UNC13C: variants seen among roughly 807,000 people sequenced by gnomAD.
The protein encoded by UNC13C is unc-13 homolog C.
A neutral mutation model predicts 245.4 loss-of-function variants in UNC13C; 174 were observed. The observed-to-expected ratio is 0.71, with a 90% CI of 0.63 to 0.80. UNC13C has a LOEUF of 0.80. Ranked by LOEUF, UNC13C falls within the 30% of genes least tolerant of loss-of-function variation. UNC13C has a pLI of 0.00. For synonymous variants in UNC13C, 992 were observed against 895.1 expected, an observed-to-expected ratio of 1.11 and a Z score of -1.93; for missense variants, 2,829 against 2,602.9, an observed-to-expected ratio of 1.09 and a Z score of -1.89.
intron 19 of UNC13C, chr15:54,417,050 T>C (rs897829302): frequency 2.3e-6 from 1 of 442,942 alleles, no homozygotes; most frequent in Non-Finnish European, 4.5e-6. Flanking sequence ...AGGAATAAAC[T>C]TATTTTAATC....
the UNC13C span, among the ~76,000 whole-genome samples, chr15:53,965,554 AT>A: frequency 1.4e-5 from 2 of 145,038 alleles, no homozygotes; most frequent in African/African-American, 5.1e-5. Context: ...TTATTTATTT[AT>A]TTATTTATTT....
chr15:54,207,678 A>C lies in UNC13C; in HGVS notation c.3072-27352A>C, dbSNP rs771655683. Among the ~76,000 whole-genome samples the C allele has an allele frequency of 9.8e-4, 149 of 152,102 alleles. 1 individual carries two copies. Among genetic ancestry groups the C allele is most frequent in the Non-Finnish European group, 3.5e-4 (24 of 68,006 alleles). ...TAGATATTTTTCTAAAAATTTGTAC[A>C]TCTCTGACTTCTTAAACAATATTCA... On this transcript the variant is annotated intron_variant, in intron 4 of 32. Transcript: ENST00000260323.
chr15:54,479,023 C>G (rs1321826413), intron 19 of UNC13C, among the ~76,000 whole-genome samples: 1 of 151,688 alleles, frequency 6.6e-6, no homozygotes, highest in Non-Finnish European at 1.5e-5. Context: ...TATGGGATAT[C>G]CAGCTCTCCT....
At chr15:54,429,968 T>G (rs1426329642) in intron 19 of UNC13C, among the ~76,000 whole-genome samples, 1 of 151,678 alleles carries the variant, frequency 6.6e-6, no homozygotes, top group African/African-American at 2.4e-5. Context: ...AATGCACACT[T>G]GTAACTAAAA....
intron 4 of UNC13C, among the ~76,000 whole-genome samples, chr15:54,160,943 TA>T (rs2141266394): frequency 6.6e-6 from 1 of 152,322 alleles, no homozygotes; most frequent in South Asian, 2.1e-4. Context: ...GAAAAATCTT[TA>T]ATTTGCACAT....
chr15:54,144,984 G>A (rs922150016), intron 4 of UNC13C, among the ~76,000 whole-genome samples: 16 of 151,684 alleles, frequency 1.1e-4, no homozygotes, highest in Non-Finnish European at 2.1e-4. Flanking sequence ...CCAAGACCGG[G>A]TTTTGCCATA....
intron 4 of UNC13C, among the ~76,000 whole-genome samples, chr15:54,215,030 T>C (rs1336728668): frequency 5.3e-5 from 8 of 151,924 alleles, no homozygotes; most frequent in Non-Finnish European, 1.5e-5. Context: ...CATGTAATAA[T>C]GTCTGAGGCT....
chr15:54,621,403 G>A (rs1347013814), intron 30 of UNC13C, among the ~76,000 whole-genome samples: 2 of 151,986 alleles, frequency 1.3e-5, no homozygotes, highest in East Asian at 3.9e-4. Context: ...TTAAACAATT[G>A]AAATATGGTT....
intron 4 of UNC13C, among the ~76,000 whole-genome samples, chr15:54,199,775 C>A (rs1265893208): frequency 3.3e-5 from 5 of 151,834 alleles, no homozygotes; most frequent in Admixed American, 2.0e-4. Context: ...TATAACAACA[C>A]AATGAAAACA....
intron 19 of UNC13C, among the ~76,000 whole-genome samples, chr15:54,489,911 A>C (rs1893618170): frequency 6.6e-6 from 1 of 152,216 alleles, no homozygotes; most frequent in African/African-American, 2.4e-5. Flanking sequence ...CAATTAACTC[A>C]ATATATTGAA....
At chr15:53,845,410 C>A in the UNC13C span, among the ~76,000 whole-genome samples, 3 of 151,922 alleles carry the variant, frequency 2.0e-5, no homozygotes, top group South Asian at 6.2e-4. Flanking sequence ...AAGAATACAG[C>A]CTCACAACTA....
intron 4 of UNC13C, among the ~76,000 whole-genome samples, chr15:54,191,456 G>A (rs539213746): frequency 3.9e-5 from 6 of 152,204 alleles, no homozygotes; most frequent in African/African-American, 1.4e-4. Flanking sequence ...ATCATTGATG[G>A]GCATTTGAGT....
intron 4 of UNC13C, among the ~76,000 whole-genome samples, chr15:54,177,356 T>G (rs2141295449): frequency 6.6e-6 from 1 of 152,282 alleles, no homozygotes; most frequent in East Asian, 1.9e-4. Context: ...TTAAGACTAT[T>G]TTTTAAACAC....
intron 4 of UNC13C, among the ~76,000 whole-genome samples, chr15:54,165,543 A>G (rs756350049): frequency 1.6e-4 from 24 of 152,146 alleles, no homozygotes; most frequent in Non-Finnish European, 2.9e-5. Flanking sequence ...GTTACTTCAG[A>G]ACTTAGGTAT....
Position 54,023,321 on chromosome 15 carries a change from A to G in UNC13C, c.2983+7435A>G, listed in dbSNP as rs114036067. On this transcript the variant is annotated intron_variant, in intron 2 of 32. Transcript: ENST00000260323. ...TGACATCCTGTTGCCAATGCAGGCC[A>G]GTCTTGTCATGAAAGATTATGGCTT... is the stretch of plus-strand genomic sequence containing the variant. 4.1e-3 allele frequency among the ~76,000 whole-genome samples: 621 copies of G among 152,336 alleles called. 5 individuals carry two copies. The highest frequency in any genetic ancestry group is 0.015 in the African/African-American group (607 of 41,572).
intron 19 of UNC13C, among the ~76,000 whole-genome samples, chr15:54,480,656 T>A (rs4774696): frequency 0.41 from 62,636 of 151,900 alleles, 13,187 homozygotes; most frequent in East Asian, 0.62. Context: ...GTTCTCTTGC[T>A]CTGTGTTTCT....
At chr15:54,040,051 C>A (rs552596193) in intron 2 of UNC13C, among the ~76,000 whole-genome samples, 2 of 152,032 alleles carry the variant, frequency 1.3e-5, no homozygotes, top group African/African-American at 4.8e-5. Context: ...GGCCTTTACG[C>A]TCTTTCCTCA....
intron 2 of UNC13C, among the ~76,000 whole-genome samples, chr15:54,111,866 C>T (rs537680906): frequency 1.2e-4 from 18 of 152,252 alleles, no homozygotes; most frequent in African/African-American, 3.9e-4. Flanking sequence ...GAAGAATCAT[C>T]AACCTTTCAA....
chr15:54,116,783 A>C (rs2030279365), intron 2 of UNC13C, among the ~76,000 whole-genome samples: 1 of 151,966 alleles, frequency 6.6e-6, no homozygotes, highest in Admixed American at 6.6e-5. Context: ...CTTTCTTTTG[A>C]GTTTATATCT....
Sources: gnomAD v4.1 joint callset for allele counts (sites outside exome capture counted in the v4.1 genomes callset) on GRCh38, gnomAD v4.1.1 for gene constraint, MANE v1.5 for transcripts, NCBI Gene and HGNC (gene_info 2026-07-23, HGNC 2026-07-21) for gene names.